The following PCDHGB6 variants were observed in gnomAD, a reference collection of about 807,000 sequenced individuals.
The protein encoded by PCDHGB6 is protocadherin gamma-B6.
PCDHGB6 carries 51 observed loss-of-function variants against 59.1 expected under a neutral mutation model. That is an observed-to-expected ratio of 0.86 (90% confidence interval 0.69 to 1.09). PCDHGB6 has a LOEUF of 1.09. Among genes scored for constraint, PCDHGB6 ranks in the 50% least tolerant of loss-of-function variants. The pLI, the probability that PCDHGB6 is intolerant of heterozygous loss-of-function variation, is 0.00. For synonymous variants in PCDHGB6, 466 were observed against 495.1 expected (o/e 0.94, Z 0.78); for missense variants, 1,148 against 1,205.1 (o/e 0.95, Z 0.70).
chr5:141,476,053 A>G lies in PCDHGB6; in HGVS notation c.2419-18754A>G. 2 of 1,501,944 alleles carry G rather than the reference A, an allele frequency of 1.3e-6. No homozygotes were observed. Among genetic ancestry groups the G allele is most frequent in the Non-Finnish European group, 1.8e-6 (2 of 1,131,392 alleles). 93.0% of individuals were successfully genotyped at this position (1,501,944 alleles called of 1,614,324 possible). ...CAGCGCCCAAGCGCTAACCCGCTGA[A>G]AGTTTCTCAGCGAAATCTCAGGGAC... On this transcript the variant is annotated intron_variant, in intron 1 of 3. Coordinates refer to ENST00000520790, the MANE Select transcript of PCDHGB6 (RefSeq NM_018926.3). The surrounding 1 kb of genome is among the most constrained non-coding windows in gnomAD (Gnocchi z 7.6).
At position 141,512,047 on chromosome 5, in the gene PCDHGB6, C is replaced by T. The variant is rs1183612907; in HGVS notation, c.*874C>T. 1 of 152,722 alleles carries T rather than the reference C, an allele frequency of 6.5e-6. No individual in the cohort carries two copies. The highest frequency in any genetic ancestry group is 1.5e-5 in the Non-Finnish European group (1 of 68,120). The allele number at this position is 152,722 out of a possible 1,614,324, so 9.5% of individuals were successfully genotyped here. A position where few individuals can be genotyped will look rare whatever the true frequency, so the allele number is the denominator to read the frequency against. On this transcript the variant is annotated 3_prime_UTR_variant, in exon 4 of 4. Coordinates refer to ENST00000520790, the MANE Select transcript of PCDHGB6 (RefSeq NM_018926.3). The stretch of plus-strand genomic sequence containing the variant: ...CCTTGGAGGAGGCTCTGTATGTCCT[C>T]AGGGGACTGACAACATCCTCCAGAT...
chr5:141,505,324 G>A, intron 2 of PCDHGB6, 69 bp from the exon 3 acceptor site: 2 of 1,607,104 alleles, frequency 1.2e-6, no homozygotes, highest in African/African-American at 1.3e-5. Context: ...GGAGCCCTGG[G>A]AGAGGACAGG....
chr5:141,489,150 TAA>T lies in PCDHGB6; in HGVS notation c.2419-5656_2419-5655del. 1.2e-6 allele frequency: 1 copy of T among 862,654 alleles called. No homozygotes were observed. Among genetic ancestry groups the T allele is most frequent in the Non-Finnish European group, 1.7e-6 (1 of 575,074 alleles). The allele number at this position is 862,654 out of a possible 1,614,324, so 53.4% of individuals were successfully genotyped here. On this transcript the variant is annotated intron_variant, in intron 1 of 3. Coordinates refer to ENST00000520790, the MANE Select transcript of PCDHGB6 (RefSeq NM_018926.3). This position sits in a 1 kb window ranked among gnomAD's most constrained non-coding sequence, Gnocchi z 4.5. ...GTTTTTAAGAGGCTGGAAGGAGACA[TAA>T]GAGACTTCAGCTGCTGCATTCCAAG... is the stretch of plus-strand genomic sequence containing the variant.
At chr5:141,434,952 C>T (rs1362599956) in intron 1 of PCDHGB6, among the ~76,000 whole-genome samples, 2 of 151,756 alleles carry the variant, frequency 1.3e-5, no homozygotes, top group East Asian at 3.9e-4. Flanking sequence ...AATTTATTAA[C>T]AATTTATAAA....
At position 141,491,065 on chromosome 5, in the gene PCDHGB6, C is replaced by T; in HGVS notation, c.2419-3742C>T. On this transcript the variant is annotated intron_variant, in intron 1 of 3. Transcript: ENST00000520790. This position sits in a 1 kb window ranked among gnomAD's most constrained non-coding sequence, Gnocchi z 6.9. ...CCACAATGCGTGGCTCTCCTACTCA[C>T]TGTTGCCACAGTCCACAGCCCCAGG... 4 of 1,614,210 alleles carry T rather than the reference C, an allele frequency of 2.5e-6. No individual in the cohort carries two copies. Among genetic ancestry groups the T allele is most frequent in the Admixed American group, 1.7e-5 (1 of 60,030 alleles).
chr5:141,420,804 G>C (rs1283868316), intron 1 of PCDHGB6, among the ~76,000 whole-genome samples: 1 of 152,188 alleles, frequency 6.6e-6, no homozygotes, highest in Non-Finnish European at 1.5e-5. Context: ...TAAAAATTAA[G>C]CAAGCCCTTT....
At chr5:141,467,050 G>T (rs6580189) in intron 1 of PCDHGB6, among the ~76,000 whole-genome samples, 42,616 of 146,752 alleles carry the variant, frequency 0.29, 6,868 homozygotes, top group African/African-American at 0.45. Flanking sequence ...ATGAATCAAT[G>T]TTTTCTTTTT....
intron 1 of PCDHGB6, among the ~76,000 whole-genome samples, chr5:141,438,948 G>A (rs2154558298): frequency 6.6e-6 from 1 of 152,142 alleles, no homozygotes; most frequent in Middle Eastern, 3.4e-3. Context: ...TTATAGGCAT[G>A]AGCCACCGCA....
Position 141,432,124 on chromosome 5 carries a change from C to G in PCDHGB6, c.2418+21504C>G, listed in dbSNP as rs1286909667. On this transcript the variant is annotated intron_variant, in intron 1 of 3. Transcript: ENST00000520790. The surrounding 1 kb of genome is among the most constrained non-coding windows in gnomAD (Gnocchi z 6.0). ...ACAACCCGCCGGTCTTCCCTCAGGC[C>G]TCCTATTCCGCTTATATCCCAGAGA... 6.2e-7 allele frequency: 1 copy of G among 1,614,156 alleles called. No homozygotes were observed. The highest frequency in any genetic ancestry group is 1.1e-5 in the South Asian group (1 of 91,066).
At chr5:141,420,289 AT>A in intron 1 of PCDHGB6, 1 of 1,497,936 alleles carries the variant, frequency 6.7e-7, no homozygotes, top group Non-Finnish European at 9.0e-7. Flanking sequence ...GTATTTAAAA[AT>A]GTATTTAATC....
chr5:141,437,030 A>G (rs1246601314), intron 1 of PCDHGB6, among the ~76,000 whole-genome samples: 1 of 152,248 alleles, frequency 6.6e-6, no homozygotes, highest in Non-Finnish European at 1.5e-5. Context: ...CAGAAAATGG[A>G]TCACCGAAAC....
chr5:141,504,380 C>T (rs943816582), intron 2 of PCDHGB6, among the ~76,000 whole-genome samples: 1 of 152,088 alleles, frequency 6.6e-6, no homozygotes, highest in African/African-American at 2.4e-5. Flanking sequence ...GGTGGAGTCG[C>T]TGCCTCACAG....
At chr5:141,428,290 C>A in intron 1 of PCDHGB6, 1 of 726,802 alleles carries the variant, frequency 1.4e-6, no homozygotes, top group Non-Finnish European at 2.4e-6. Context: ...CCAAGCAAAG[C>A]TGCAGATTTA....
At chr5:141,428,286 A>G in intron 1 of PCDHGB6, 1 of 730,462 alleles carries the variant, frequency 1.4e-6, no homozygotes, top group Non-Finnish European at 2.4e-6. Flanking sequence ...ATTCCCAAGC[A>G]AAGCTGCAGA....
rs763451417 is a variant in PCDHGB6, at chr5:141,408,628, T to G, written c.426T>G (p.Ile142Met). The change falls in exon 1 of 4, where the codon ATT becomes ATG. Residue 142 changes from isoleucine (I) to methionine (M), a missense_variant. By Grantham distance (10) the Ile-to-Met change is conservative (BLOSUM62 1). Transcript: ENST00000520790. ...QFDKKEIHLE[I>M]FESASAGTRL... The stretch of plus-strand genomic sequence containing the variant: ...ATAAAAAGGAAATACATTTAGAAAT[T>G]TTCGAATCTGCATCCGCTGGTACAC... The G allele has an allele frequency of 3.7e-6, 6 of 1,613,920 alleles. No individual in the cohort carries two copies. In the Admixed American group the frequency reaches 1.0e-4, roughly 27 times the overall value.
intron 1 of PCDHGB6, chr5:141,433,208 C>CT (rs745329085): frequency 0.022 from 27,155 of 1,216,152 alleles, no homozygotes; most frequent in Non-Finnish European, 0.026. Flanking sequence ...AATCTTCTTT[C>CT]TTTTTTTTTT....
In PCDHGB6 at chr5:141,476,073, A is replaced by C. The variant is rs765071344; in HGVS notation, c.2419-18734A>C. On this transcript the variant is annotated intron_variant, in intron 1 of 3. Coordinates refer to ENST00000520790, the MANE Select transcript of PCDHGB6 (RefSeq NM_018926.3). The surrounding 1 kb of genome is among the most constrained non-coding windows in gnomAD (Gnocchi z 7.6). ...GCTGAAAGTTTCTCAGCGAAATCTC[A>C]GGGACGATCTGGACCCCGCTGAGAG... 4 of 1,524,010 alleles carry C rather than the reference A, an allele frequency of 2.6e-6. No individual in the cohort carries two copies. Among genetic ancestry groups the C allele is most frequent in the Admixed American group, 4.2e-5 (2 of 47,746 alleles). The allele number at this position is 1,524,010 out of a possible 1,614,324, so 94.4% of individuals were successfully genotyped here. A position where few individuals can be genotyped will look rare whatever the true frequency, so the allele number is the denominator to read the frequency against.
At position 141,422,383 on chromosome 5, in the gene PCDHGB6, T is replaced by C. The variant is rs201301291; in HGVS notation, c.2418+11763T>C. On this transcript the variant is annotated intron_variant, in intron 1 of 3. Transcript: ENST00000520790. ...TGGAGAAAATGGTCAAGTCTCCTGT[T>C]TTATTCCTAACCACCTGCCTTTTAA... 554 of 1,586,008 alleles carry C rather than the reference T, an allele frequency of 3.5e-4. 2 individuals are homozygous for C. The African/African-American group carries it at 6.9e-3, about 20-fold the overall frequency.
At chr5:141,461,979 A>C (rs1420971777) in intron 1 of PCDHGB6, among the ~76,000 whole-genome samples, 1 of 152,144 alleles carries the variant, frequency 6.6e-6, no homozygotes, top group Non-Finnish European at 1.5e-5. Context: ...ATATGCCACC[A>C]CGCCAGGCTA....
Sources: gnomAD v4.1 joint callset for allele counts (sites outside exome capture counted in the v4.1 genomes callset) on GRCh38, gnomAD v4.1.1 for gene constraint, Gnocchi (gnomAD v3.1) non-coding constraint, MANE v1.5 for transcripts, NCBI Gene and HGNC (gene_info 2026-07-23, HGNC 2026-07-21) for gene names.